Variants in CDH12 observed in about 807,000 individuals in gnomAD.
CDH12 encodes cadherin 12.
CDH12 carries 41 observed loss-of-function variants against 74.1 expected under a neutral mutation model. The ratio of observed to expected loss-of-function variants is 0.55; its 90% CI spans 0.43 to 0.72. CDH12 has a LOEUF of 0.72. Ranked by LOEUF, CDH12 falls within the 30% of genes least tolerant of loss-of-function variation. The probability of loss-of-function intolerance (pLI) is 0.00; values close to 1 mark genes in which losing one functional copy is unlikely to be tolerated. For missense variants in CDH12, 945 were observed against 977.2 expected (o/e 0.97, Z 0.44); for synonymous variants, 399 against 355.0 (o/e 1.12, Z -1.39).
At chr5:21,898,957 G>C (rs910530275) in intron 6 of CDH12, among the ~76,000 whole-genome samples, 3 of 152,092 alleles carry the variant, frequency 2.0e-5, no homozygotes, top group African/African-American at 7.2e-5. Context: ...CCGAAACTCT[G>C]TTTTAGTCTA....
At chr5:21,923,551 A>C (rs1754454794) in intron 6 of CDH12, among the ~76,000 whole-genome samples, 1 of 151,916 alleles carries the variant, frequency 6.6e-6, no homozygotes, top group African/African-American at 2.4e-5. Context: ...CCCTTCAAAT[A>C]CCTCAGGGTA....
chr5:22,519,051 C>G (rs1028766804), intron 1 of CDH12, among the ~76,000 whole-genome samples: 1 of 152,038 alleles, frequency 6.6e-6, no homozygotes, highest in Non-Finnish European at 1.5e-5. Context: ...ATCCATGCCA[C>G]CAGAGAAAGA....
At chr5:22,641,702 G>T (rs1182765029) in intron 1 of CDH12, among the ~76,000 whole-genome samples, 3 of 152,076 alleles carry the variant, frequency 2.0e-5, no homozygotes, top group Admixed American at 6.5e-5. Context: ...CTCACTGATC[G>T]TTACTTGGCC....
intron 3 of CDH12, among the ~76,000 whole-genome samples, chr5:22,342,382 T>C (rs1361925858): frequency 6.6e-6 from 1 of 152,230 alleles, no homozygotes. Flanking sequence ...GAATTATTAA[T>C]ACATTATTTC....
intron 5 of CDH12, among the ~76,000 whole-genome samples, chr5:21,977,643 A>G (rs191776182): frequency 0.013 from 1,993 of 152,258 alleles, 43 homozygotes; most frequent in African/African-American, 0.046. Context: ...TTCCTTTGCA[A>G]ACTGACATAA....
intron 5 of CDH12, among the ~76,000 whole-genome samples, chr5:21,996,932 C>T (rs139799545): frequency 0.033 from 5,035 of 151,854 alleles, 262 homozygotes; most frequent in African/African-American, 0.12. Flanking sequence ...TAGATAGAAG[C>T]GTCATTATCT....
At chr5:22,036,555 A>AGT (rs1561044380) in intron 5 of CDH12, among the ~76,000 whole-genome samples, 1 of 151,804 alleles carries the variant, frequency 6.6e-6, no homozygotes, top group Non-Finnish European at 1.5e-5. Flanking sequence ...TGTGTGTGTG[A>AGT]GTGTGTGTGT....
At chr5:21,758,991 AG>A (rs1388209543) in intron 13 of CDH12, among the ~76,000 whole-genome samples, 1 of 152,114 alleles carries the variant, frequency 6.6e-6, no homozygotes, top group African/African-American at 2.4e-5. Flanking sequence ...GAGGAGACAA[AG>A]GGTTAAAAAA....
At chr5:22,664,561 T>C (rs1185513056) in intron 1 of CDH12, among the ~76,000 whole-genome samples, 2 of 152,196 alleles carry the variant, frequency 1.3e-5, no homozygotes, top group Admixed American at 1.3e-4. Flanking sequence ...CAATTCAAGG[T>C]GAGCTTTGGG....
At chr5:22,203,376 T>C (rs1418765467) in intron 4 of CDH12, among the ~76,000 whole-genome samples, 1 of 152,214 alleles carries the variant, frequency 6.6e-6, no homozygotes, top group East Asian at 1.9e-4. Context: ...TTATTTCACT[T>C]AACATACTGT....
chr5:22,440,063 T>C (rs907643937), intron 2 of CDH12, among the ~76,000 whole-genome samples: 4 of 152,074 alleles, frequency 2.6e-5, no homozygotes, highest in African/African-American at 7.2e-5. Context: ...CCATATCACA[T>C]ACAAGAAAAA....
intron 8 of CDH12, among the ~76,000 whole-genome samples, chr5:21,836,486 C>CACACACACAA (rs1391328912): frequency 2.0e-5 from 3 of 150,976 alleles, no homozygotes; most frequent in Non-Finnish European, 4.4e-5. Flanking sequence ...CACACACACA[C>CACACACACAA]ACACACACAC....
chr5:22,395,363 T>C (rs1304210238), intron 3 of CDH12, among the ~76,000 whole-genome samples: 1 of 152,146 alleles, frequency 6.6e-6, no homozygotes, highest in Non-Finnish European at 1.5e-5. Context: ...TCTGGAGGCA[T>C]TGAGGCCCTG....
intron 1 of CDH12, among the ~76,000 whole-genome samples, chr5:22,766,099 C>A (rs1746500684): frequency 6.6e-6 from 1 of 151,678 alleles, no homozygotes; most frequent in Non-Finnish European, 1.5e-5. Flanking sequence ...ACCATAATGG[C>A]AAAATAATCA....
chr5:22,316,734 G>A (rs1738647915), intron 3 of CDH12, among the ~76,000 whole-genome samples: 1 of 151,876 alleles, frequency 6.6e-6, no homozygotes, highest in Admixed American at 6.6e-5. Context: ...TAATAAAGAA[G>A]GATACAGTTC....
rs140089517 is a variant in CDH12 at position 22,764,696 on chromosome 5, C to G, written c.-523+88362G>C. ...GTGACAAACTGCCACCACATTTCTGCAGATATGATGCCTCAAAAGGAGAAC... is the reference window on the plus strand; with the variant it reads ...GTGACAAACTGCCACCACATTTCTGGAGATATGATGCCTCAAAAGGAGAAC... On this transcript the variant is annotated intron_variant, in intron 1 of 14. Coordinates refer to ENST00000382254, the MANE Select transcript of CDH12 (RefSeq NM_004061.5). Among the ~76,000 whole-genome samples the G allele has an allele frequency of 4.1e-3, 629 of 152,100 alleles. 2 individuals carry two copies. The highest frequency in any genetic ancestry group is 7.0e-3 in the Non-Finnish European group (477 of 67,870).
intron 2 of CDH12, among the ~76,000 whole-genome samples, chr5:22,467,426 A>G (rs1745782394): frequency 6.6e-6 from 1 of 152,178 alleles, no homozygotes; most frequent in Admixed American, 6.5e-5. Flanking sequence ...TGATGAAATC[A>G]ACTAAGAGTT....
At chr5:22,519,721 G>A (rs572256380) in intron 1 of CDH12, among the ~76,000 whole-genome samples, 1 of 152,148 alleles carries the variant, frequency 6.6e-6, no homozygotes, top group African/African-American at 2.4e-5. Context: ...ATGAAAGAGC[G>A]CTTCAAATTA....
intron 3 of CDH12, among the ~76,000 whole-genome samples, chr5:22,373,578 A>C (rs970886022): frequency 6.6e-5 from 10 of 152,168 alleles, no homozygotes; most frequent in African/African-American, 2.4e-4. Context: ...ACTGGTGCCA[A>C]AGACTGGCCT....
Sources: gnomAD v4.1 joint callset for allele counts (sites outside exome capture counted in the v4.1 genomes callset) on GRCh38, gnomAD v4.1.1 for gene constraint, MANE v1.5 for transcripts, NCBI Gene and HGNC (gene_info 2026-07-23, HGNC 2026-07-21) for gene names.